The following ZNF737 variants were observed in gnomAD, a reference collection of about 807,000 sequenced individuals.
The protein encoded by ZNF737 is zinc finger protein 737.
ZNF737 carries 13 observed loss-of-function variants against 11.7 expected under a neutral mutation model. The ratio of observed to expected loss-of-function variants is 1.11; its 90% CI spans 0.73 to 1.77. ZNF737 has a LOEUF of 1.77. ZNF737 is among the 40% of genes most tolerant of loss of function. ZNF737 has a pLI of 0.00. For synonymous variants in ZNF737, 217 were observed against 216.2 expected, an observed-to-expected ratio of 1.00 and a Z score of -0.03; for missense variants, 636 against 638.0, an observed-to-expected ratio of 1.00 and a Z score of 0.03.
In ZNF737 at chr19:20,540,275, A is replaced by C. The variant is rs1332873434; in HGVS notation, c.*4317T>G. 5.1e-6 allele frequency: 2 copies of C among 388,560 alleles called. No individual in the cohort carries two copies. The highest frequency in any genetic ancestry group is 7.0e-6 in the Non-Finnish European group (2 of 284,944). The allele number at this position is 388,560 out of a possible 1,614,324, so 24.1% of individuals were successfully genotyped here. On this transcript the variant is annotated 3_prime_UTR_variant, in exon 4 of 4. Transcript: ENST00000427401. ...AAAAGCACCTCTGATTAAGTTTAGC[A>C]CAATCAGGATAATCTCCATTTTGAT...
At chr19:20,562,013 T>C (rs1363333990) in intron 1 of ZNF737, among the ~76,000 whole-genome samples, 4 of 152,174 alleles carry the variant, frequency 2.6e-5, no homozygotes, top group Admixed American at 1.3e-4. Flanking sequence ...TGGAAAATAT[T>C]TGTGATTAAT....
intron 3 of ZNF737, among the ~76,000 whole-genome samples, chr19:20,547,933 C>T (rs1257302752): frequency 2.0e-5 from 3 of 151,754 alleles, no homozygotes; most frequent in African/African-American, 7.3e-5. Flanking sequence ...GGCAGATAAC[C>T]TGAGGTCAGG....
chr19:20,554,086 A>G (rs966436047), intron 1 of ZNF737, among the ~76,000 whole-genome samples: 10 of 152,240 alleles, frequency 6.6e-5, no homozygotes, highest in African/African-American at 2.4e-4. Flanking sequence ...AAGGGTATGA[A>G]CACGAACATG....
downstream of ZNF737, among the ~76,000 whole-genome samples, chr19:20,535,036 A>T (rs1290486720): frequency 6.7e-6 from 1 of 150,118 alleles, no homozygotes; most frequent in African/African-American, 2.5e-5. Context: ...TACTTCTAGA[A>T]ATAAAGAAGG....
rs1968145530 is a variant in ZNF737 at position 20,540,197 on chromosome 19, CACTT to C, written c.*4391_*4394del. On this transcript the variant is annotated 3_prime_UTR_variant, in exon 4 of 4. Transcript: ENST00000427401. Reference sequence around the variant, plus strand: ...CTTACAACATGTTCTACCTAGAAGTCACTTACTTTCAGGCCAGCAGGGGTGTTTT... The same window carrying C: ...CTTACAACATGTTCTACCTAGAAGTCACTTTCAGGCCAGCAGGGGTGTTTT... 2 of 979,134 alleles carry C rather than the reference CACTT, an allele frequency of 2.0e-6. No homozygotes were observed. Among genetic ancestry groups the C allele is most frequent in the African/African-American group, 1.8e-5 (1 of 57,092 alleles). The allele number at this position is 979,134 out of a possible 1,614,324, so 60.7% of individuals were successfully genotyped here.
rs1480060436 is a variant in ZNF737, at chr19:20,539,093, C to G, written c.*5499G>C. 15 of 715,208 alleles carry G rather than the reference C, an allele frequency of 2.1e-5. No individual in the cohort carries two copies. The highest frequency in any genetic ancestry group is 2.2e-5 in the Non-Finnish European group (13 of 584,226). The allele number at this position is 715,208 out of a possible 1,614,324, so 44.3% of individuals were successfully genotyped here. A position where few individuals can be genotyped will look rare whatever the true frequency, so the allele number is the denominator to read the frequency against. On this transcript the variant is annotated 3_prime_UTR_variant, in exon 4 of 4. Transcript: ENST00000427401. Reference sequence around the variant, plus strand: ...GATGGATCACCTGAGGTCAGGAGTTCAAGACAAGCCTGGCTAACATGATGA... The same window carrying G: ...GATGGATCACCTGAGGTCAGGAGTTGAAGACAAGCCTGGCTAACATGATGA...
At position 20,542,449 on chromosome 19, in the gene ZNF737, C is replaced by T; in HGVS notation, c.*2143G>A. The T allele has an allele frequency of 1.7e-6, 1 of 585,498 alleles. No homozygotes were observed. The highest frequency in any genetic ancestry group is 2.2e-6 in the Non-Finnish European group (1 of 464,972). The allele number at this position is 585,498 out of a possible 1,614,324, so 36.3% of individuals were successfully genotyped here. A position where few individuals can be genotyped will look rare whatever the true frequency, so the allele number is the denominator to read the frequency against. Reference sequence around the variant, plus strand: ...GTTTCTCCATGTTGGTCAGGCTGGTCTCGAACTCCTGACCTCAGGTGATCT... The same window carrying T: ...GTTTCTCCATGTTGGTCAGGCTGGTTTCGAACTCCTGACCTCAGGTGATCT... On this transcript the variant is annotated 3_prime_UTR_variant, in exon 4 of 4. Coordinates refer to ENST00000427401, the MANE Select transcript of ZNF737 (RefSeq NM_001159293.2).
At chr19:20,537,724 C>A (rs200834497), downstream of ZNF737, among the ~76,000 whole-genome samples, 25 of 149,062 alleles carry the variant, frequency 1.7e-4, no homozygotes, top group East Asian at 5.1e-3. Context: ...ACCATGTTGG[C>A]CAGGCTGGTC....
rs1555756854 is a variant in ZNF737, at chr19:20,545,739, TG to T, written c.463del (p.His155IlefsTer11). ...ATGTCTGTTTGAATTTGAAAATTTA[TG>T]AATGACTTTCACATATTTATCACAC... ...FQCDKYVKVI[H>X]KFSNSNRHKI... On this transcript the variant is annotated frameshift_variant, in exon 4 of 4. Transcript: ENST00000427401. LOFTEE classifies it low-confidence loss of function (END_TRUNC). 11 of 1,613,068 alleles carry T rather than the reference TG, an allele frequency of 6.8e-6. No individual in the cohort carries two copies. In the African/African-American group the frequency reaches 1.2e-4, roughly 18 times the overall value.
chr19:20,562,924 T>C (rs782299212), intron 1 of ZNF737, among the ~76,000 whole-genome samples: 2 of 151,796 alleles, frequency 1.3e-5, no homozygotes, highest in African/African-American at 4.8e-5. Context: ...ATATGACTTT[T>C]TCACTCTCCG....
chr19:20,550,949 CAA>C (rs1157958315), intron 3 of ZNF737: 1 of 152,254 alleles, frequency 6.6e-6, no homozygotes, highest in Non-Finnish European at 1.5e-5. Context: ...GTAACCAGCT[CAA>C]ACTCCCAGCC....
chr19:20,545,816 A>T lies in ZNF737; in HGVS notation c.387T>A (p.Gly129=). The change falls in exon 4 of 4, where the codon GGT becomes GGA. Residue 129 remains glycine, a synonymous_variant. Coordinates refer to ENST00000427401, the MANE Select transcript of ZNF737 (RefSeq NM_001159293.2). Reference sequence around the variant, plus strand: ...TCAAATATTGGTTAAGTCCATTATAACCTCTTTTGTGCACCTTACACTCAT... The same window carrying T: ...TCAAATATTGGTTAAGTCCATTATATCCTCTTTTGTGCACCTTACACTCAT... ...SVDECKVHKR[G]YNGLNQYLTT... 6.2e-7 allele frequency: 1 copy of T among 1,612,338 alleles called. No homozygotes were observed. The highest frequency in any genetic ancestry group is 8.5e-7 in the Non-Finnish European group (1 of 1,179,290).
downstream of ZNF737, among the ~76,000 whole-genome samples, chr19:20,536,528 A>C (rs1390272435): frequency 1.3e-5 from 2 of 152,154 alleles, no homozygotes; most frequent in East Asian, 3.9e-4. Flanking sequence ...AACAATAAAC[A>C]GGTCAAGCAT....
At chr19:20,553,016 A>ACC (rs1568432533) in intron 2 of ZNF737, among the ~76,000 whole-genome samples, 1 of 151,224 alleles carries the variant, frequency 6.6e-6, no homozygotes, top group African/African-American at 2.4e-5. Flanking sequence ...TGTCCCCGAA[A>ACC]AAAAAAAAAA....
At chr19:20,553,494 AG>A (rs370281382) in intron 2 of ZNF737, among the ~76,000 whole-genome samples, 1 of 152,138 alleles carries the variant, frequency 6.6e-6, no homozygotes, top group African/African-American at 2.4e-5. Flanking sequence ...TCCTAGCCTC[AG>A]GTAATACCCC....
At chr19:20,531,306 C>T (rs1184768203), downstream of ZNF737, among the ~76,000 whole-genome samples, 41 of 147,728 alleles carry the variant, frequency 2.8e-4, 1 homozygote, top group Non-Finnish European at 2.4e-4. Context: ...CTTGTTCGAA[C>T]GCCTCCAACA....
chr19:20,534,453 A>ACTCTGTCTCTATC (rs1555753433), downstream of ZNF737, among the ~76,000 whole-genome samples: 53 of 144,726 alleles, frequency 3.7e-4, 3 homozygotes, highest in African/African-American at 1.3e-3. Context: ...AAAAGAAAAA[A>ACTCTGTCTCTATC]TATCTATCTA....
the ZNF737 span, among the ~76,000 whole-genome samples, chr19:20,530,352 G>A: frequency 1.4e-5 from 2 of 144,894 alleles, no homozygotes; most frequent in African/African-American, 2.6e-5. Flanking sequence ...AGCTGGCCGG[G>A]CGGGGGGCTG....
At chr19:20,554,694 A>C (rs1968819160) in intron 1 of ZNF737, among the ~76,000 whole-genome samples, 1 of 152,162 alleles carries the variant, frequency 6.6e-6, no homozygotes, top group Non-Finnish European at 1.5e-5. Flanking sequence ...ATCATAAAGA[A>C]CCATCAGTTT....
Sources: gnomAD v4.1 joint callset for allele counts (sites outside exome capture counted in the v4.1 genomes callset) on GRCh38, gnomAD v4.1.1 for gene constraint, MANE v1.5 for transcripts, NCBI Gene and HGNC (gene_info 2026-07-23, HGNC 2026-07-21) for gene names.